The following DNAH5 variants were observed in gnomAD, a reference collection of about 807,000 sequenced individuals.
The protein encoded by DNAH5 is dynein axonemal heavy chain 5.
DNAH5 carries 372 observed loss-of-function variants against 518.2 expected under a neutral mutation model. The ratio of observed to expected loss-of-function variants is 0.72; its 90% confidence interval spans 0.66 to 0.78. The LOEUF (loss-of-function observed/expected upper bound fraction) is 0.78, where lower values mean the gene tolerates loss of function less well. Among genes scored for constraint, DNAH5 ranks in the 30% least tolerant of loss-of-function variants. The pLI, the probability that DNAH5 is intolerant of heterozygous loss-of-function variation, is 0.00. For missense variants in DNAH5, 5,523 were observed against 5,687.0 expected (o/e 0.97, Z 0.93); for synonymous variants, 2,039 against 2,025.9 (o/e 1.01, Z -0.17).
In DNAH5 at chr5:13,913,760, T is replaced by A. The variant is rs1776310146; in HGVS notation, c.1519A>T (p.Met507Leu). The stretch of plus-strand genomic sequence containing the variant: ...TACAATACCTGGTATTTAGTGGCCA[T>A]GTCTTCCAGCCCTTCAATTGTGGAA... Reference protein sequence around the residue: ...QDSTIEGLEDMATKYQGIVAT... With the variant: ...QDSTIEGLEDLATKYQGIVAT... The change falls in exon 11 of 79, where the codon ATG becomes TTG. Residue 507 changes from methionine to leucine, a missense_variant. Transcript: ENST00000265104. 5 of 1,613,416 alleles carry A rather than the reference T, an allele frequency of 3.1e-6. No individual in the cohort carries two copies. The highest frequency in any genetic ancestry group is 1.3e-5 in the African/African-American group (1 of 74,934).
At chr5:13,740,720 G>A (rs989639768) in intron 65 of DNAH5, among the ~76,000 whole-genome samples, 4 of 152,060 alleles carry the variant, frequency 2.6e-5, no homozygotes, top group Admixed American at 6.6e-5. Context: ...GCTCTGTCAG[G>A]TCTGTTCTTC....
rs570311564 is a variant in DNAH5 at position 13,710,345 on chromosome 5, G to C, written c.13126-2010C>G. Among the ~76,000 whole-genome samples, 4 of 152,276 alleles carry C rather than the reference G, an allele frequency of 2.6e-5. No homozygotes were observed. The East Asian group carries it at 5.8e-4, about 22-fold the overall frequency. Reference sequence around the variant, plus strand: ...TCAGCCTAAGACCTTCTCTCTGACAGAGCCTACTCAAATGAGAAGGAACCA... The same window carrying C: ...TCAGCCTAAGACCTTCTCTCTGACACAGCCTACTCAAATGAGAAGGAACCA... On this transcript the variant is annotated intron_variant, in intron 75 of 78. Transcript: ENST00000265104.
intron 30 of DNAH5, among the ~76,000 whole-genome samples, chr5:13,851,990 G>C (rs994461143): frequency 3.3e-5 from 5 of 151,958 alleles, no homozygotes; most frequent in African/African-American, 1.2e-4. Flanking sequence ...ACTCTCCCCC[G>C]AGCCAAGGGA....
rs534455010 is a variant in DNAH5, at chr5:13,777,505, T to C, written c.8952-150A>G. ...TGTATTCTATATGAATGTTACTGGT[T>C]AATTTTTAAAAATCCACATTTCATA... On this transcript the variant is annotated intron_variant, in intron 53 of 78. Transcript: ENST00000265104. 1.5e-5 allele frequency: 9 copies of C among 602,294 alleles called. No homozygotes were observed. In the East Asian group the frequency reaches 2.5e-4, roughly 17 times the overall value. 37.3% of individuals were successfully genotyped at this position (602,294 alleles called of 1,614,324 possible).
chr5:13,697,964 TG>T (rs1741588232), intron 78 of DNAH5, among the ~76,000 whole-genome samples: 1 of 152,214 alleles, frequency 6.6e-6, no homozygotes, highest in African/African-American at 2.4e-5. Flanking sequence ...CAACCATATT[TG>T]GAGGTAGAGT....
intron 1 of DNAH5, among the ~76,000 whole-genome samples, chr5:13,974,688 C>A (rs1347519485): frequency 1.3e-5 from 2 of 152,194 alleles, no homozygotes; most frequent in Admixed American, 1.3e-4. Flanking sequence ...TTGCTACCCA[C>A]CCTCTTTTCC....
In DNAH5 at chr5:13,846,974, T is replaced by C. The variant is rs139386478; in HGVS notation, c.5115-1981A>G. On this transcript the variant is annotated intron_variant, in intron 31 of 78. Transcript: ENST00000265104. ...TATTTGAATAACTGTGATGTGTTTG[T>C]TATCCTCCTTACAGTAGCCCGGTCT... Among the ~76,000 whole-genome samples the C allele has an allele frequency of 1.4e-4, 21 of 152,366 alleles. No individual in the cohort carries two copies. The East Asian group carries it at 3.7e-3, about 27-fold the overall frequency.
At position 13,785,986 on chromosome 5, in the gene DNAH5, A is replaced by G. The variant is rs1755924023; in HGVS notation, c.8820+193T>C. Among the ~76,000 whole-genome samples the G allele has an allele frequency of 2.0e-5, 3 of 152,350 alleles. No homozygotes were observed. The South Asian group carries it at 6.2e-4, about 32-fold the overall frequency. ...TTATCACATCACACATTTAAAGTAC[A>G]CAGGCTCTTATTTCAAGTCTATAAG... is the stretch of plus-strand genomic sequence containing the variant. On this transcript the variant is annotated intron_variant, in intron 52 of 78. Coordinates refer to ENST00000265104, the MANE Select transcript of DNAH5 (RefSeq NM_001369.3).
At chr5:13,989,342 C>T (rs946327596) in intron 1 of DNAH5, among the ~76,000 whole-genome samples, 11 of 150,630 alleles carry the variant, frequency 7.3e-5, no homozygotes, top group Non-Finnish European at 1.3e-4. Context: ...TTTGAAGAAG[C>T]ATTTTAATTA....
At chr5:13,935,259 T>C (rs1218215903) in intron 1 of DNAH5, among the ~76,000 whole-genome samples, 1 of 152,134 alleles carries the variant, frequency 6.6e-6, no homozygotes, top group East Asian at 1.9e-4. Flanking sequence ...GATTCTCCCA[T>C]GGCAACACAT....
intron 31 of DNAH5, among the ~76,000 whole-genome samples, chr5:13,848,065 C>G (rs952435944): frequency 2.0e-5 from 3 of 152,126 alleles, no homozygotes; most frequent in Non-Finnish European, 4.4e-5. Context: ...TTTAGTGGTG[C>G]CTGAACTGCA....
At chr5:13,826,477 C>T (rs953803615) in intron 38 of DNAH5, among the ~76,000 whole-genome samples, 4 of 152,152 alleles carry the variant, frequency 2.6e-5, no homozygotes, top group Non-Finnish European at 2.9e-5. Flanking sequence ...GGGTGGCTAC[C>T]TCATGCTGTT....
intron 16 of DNAH5, among the ~76,000 whole-genome samples, chr5:13,891,927 A>AT (rs1773280570): frequency 6.6e-6 from 1 of 152,158 alleles, no homozygotes; most frequent in African/African-American, 2.4e-5. Context: ...AGGGTAATAC[A>AT]TTTTTCAACA....
At position 13,870,965 on chromosome 5, in the gene DNAH5, G is replaced by T. The variant is rs1319516979; in HGVS notation, c.3636C>A (p.Ala1212=). ...LKFALTAETK[A]WMVVIGRHCN... ...AGTGGCGTCCAATGACAACCATCCAGGCCTTTGTCTCAGCAGTCAGGGCGA... is the reference window on the plus strand; with the variant it reads ...AGTGGCGTCCAATGACAACCATCCATGCCTTTGTCTCAGCAGTCAGGGCGA... The change falls in exon 24 of 79, where the codon GCC becomes GCA. Residue 1212 remains alanine (A), a synonymous_variant. Coordinates refer to ENST00000265104, the MANE Select transcript of DNAH5 (RefSeq NM_001369.3). 10 of 1,613,528 alleles carry T rather than the reference G, an allele frequency of 6.2e-6. No homozygotes were observed. Among genetic ancestry groups the T allele is most frequent in the Non-Finnish European group, 8.5e-6 (10 of 1,179,782 alleles).
chr5:13,721,311 G>T (rs922191979), intron 70 of DNAH5, 66 bp from the exon 71 acceptor site: 4 of 1,603,322 alleles, frequency 2.5e-6, no homozygotes, highest in Middle Eastern at 1.6e-4. Flanking sequence ...AATGTAGTGT[G>T]GTTTCCAAAA....
intron 61 of DNAH5, among the ~76,000 whole-genome samples, chr5:13,755,346 GC>G (rs1378587103): frequency 7.2e-5 from 11 of 151,826 alleles, no homozygotes; most frequent in Non-Finnish European, 1.0e-4. Flanking sequence ...ATACTCTGAA[GC>G]CATAAAAAAA....
At chr5:13,898,368 T>C (rs970279331) in intron 15 of DNAH5, 2 of 393,110 alleles carry the variant, frequency 5.1e-6, no homozygotes, top group Non-Finnish European at 9.0e-6. Context: ...AGTAAAAATA[T>C]TATTTTCTTT....
At position 13,742,906 on chromosome 5, in the gene DNAH5, A is replaced by G. The variant is rs149609848; in HGVS notation, c.11212-5411T>C. On this transcript the variant is annotated intron_variant, in intron 65 of 78. Transcript: ENST00000265104. Reference sequence around the variant, plus strand: ...GGCTCTAGAAAGTTATTGGCAAAAGAAAGTTTATCTGAGAAAAAAAAATAG... The same window carrying G: ...GGCTCTAGAAAGTTATTGGCAAAAGGAAGTTTATCTGAGAAAAAAAAATAG... 1.8e-3 allele frequency among the ~76,000 whole-genome samples: 269 copies of G among 152,200 alleles called. 2 individuals carry two copies. Among genetic ancestry groups the G allele is most frequent in the African/African-American group, 6.2e-3 (259 of 41,578 alleles).
At chr5:13,852,720 G>A (rs1049132907) in intron 30 of DNAH5, among the ~76,000 whole-genome samples, 8 of 144,790 alleles carry the variant, frequency 5.5e-5, no homozygotes, top group Non-Finnish European at 1.1e-4. Flanking sequence ...TTGAGTAGGC[G>A]GTTTTTCCCT....
Sources: gnomAD v4.1 joint callset for allele counts (sites outside exome capture counted in the v4.1 genomes callset) on GRCh38, gnomAD v4.1.1 for gene constraint, MANE v1.5 for transcripts, NCBI Gene and HGNC (gene_info 2026-07-23, HGNC 2026-07-21) for gene names.